DGKQ: variants seen among roughly 807,000 people sequenced by gnomAD.
The protein encoded by DGKQ is DAG kinase theta.
Under a neutral mutation model 104.2 loss-of-function variants are expected in DGKQ, and 97 were observed. That is an observed-to-expected ratio of 0.93 (90% CI 0.79 to 1.10). The LOEUF is 1.10. Ranked by LOEUF, DGKQ falls within the 50% of genes least tolerant of loss-of-function variation. DGKQ has a pLI of 0.00. For synonymous variants in DGKQ, 736 were observed against 595.2 expected (o/e 1.24, Z -3.44); for missense variants, 1,465 against 1,352.1 (o/e 1.08, Z -1.31).
rs566013816 is a variant in DGKQ at position 963,009 on chromosome 4, G to A, written c.1887-89C>T. On this transcript the variant is annotated intron_variant, in intron 16 of 22. Transcript: ENST00000273814. ...CCTCTTCCAAGTGCCCGTCCTGGCC[G>A]TGTGGAGGACTTCAAGGTCCCAGCA... 277 of 1,513,786 alleles carry A rather than the reference G, an allele frequency of 1.8e-4. 1 individual carries two copies. The East Asian group carries it at 4.7e-3, about 26-fold the overall frequency. The allele number at this position is 1,513,786 out of a possible 1,614,324, so 93.8% of individuals were successfully genotyped here. A position where few individuals can be genotyped will look rare whatever the true frequency, so the allele number is the denominator to read the frequency against.
In DGKQ at chr4:965,931, T is replaced by C; in HGVS notation, c.1576A>G (p.Lys526Glu). ...SSLLHEAGAT[K>E]ATVVSVSHIY... ...CGGCCAGCCACAGTGGTCACACCTT[T>C]GGTAGCCCCGGCCTCATGCAGCAGG... The change falls in exon 13 of 23, where the codon AAA becomes GAA. Residue 526 changes from lysine to glutamate, a missense_variant. Physicochemically the swap from Lys to Glu is moderately conservative, Grantham distance 56. Coordinates refer to ENST00000273814, the MANE Select transcript of DGKQ (RefSeq NM_001347.4). 2 of 1,598,508 alleles carry C rather than the reference T, an allele frequency of 1.3e-6. No individual in the cohort carries two copies. Among genetic ancestry groups the C allele is most frequent in the South Asian group, 1.1e-5 (1 of 89,082 alleles).
Position 967,607 on chromosome 4 carries a change from C to G in DGKQ, c.929G>C (p.Arg310Thr), listed in dbSNP as rs555383318. Reference sequence around the variant, plus strand: ...CGTGACGAGGCGGAACTGGCTTCTTCTCACCGCGTCGTCGCCATCAAAGAT... The same window carrying G: ...CGTGACGAGGCGGAACTGGCTTCTTGTCACCGCGTCGTCGCCATCAAAGAT... ...LKIFDGDDAV[R>T]RSQFRLVTVS... The change falls in exon 8 of 23, where the codon AGA (arginine) becomes ACA (threonine). Residue 310 changes from arginine to threonine, a missense_variant. Coordinates refer to ENST00000273814, the MANE Select transcript of DGKQ (RefSeq NM_001347.4). 1 of 1,612,716 alleles carries G rather than the reference C, an allele frequency of 6.2e-7. No homozygotes were observed. Among genetic ancestry groups the G allele is most frequent in the African/African-American group, 1.3e-5 (1 of 75,034 alleles).
Position 964,458 on chromosome 4 carries a change from C to T in DGKQ, c.1734+718G>A, listed in dbSNP as rs530898929. Among the ~76,000 whole-genome samples the T allele has an allele frequency of 2.0e-5, 3 of 151,792 alleles. No individual in the cohort carries two copies. The South Asian group carries it at 6.3e-4, about 32-fold the overall frequency. On this transcript the variant is annotated intron_variant, in intron 15 of 22. Coordinates refer to ENST00000273814, the MANE Select transcript of DGKQ (RefSeq NM_001347.4). ...AAGGCACGGTGTGCAGCGTGGAGTC[C>T]CAGGCTCCAGCCCCTCCATGGGCCA... is the stretch of plus-strand genomic sequence containing the variant.
At chr4:967,467 G>T in intron 8 of DGKQ, 82 bp downstream of exon 8, 1 of 1,489,028 alleles carries the variant, frequency 6.7e-7, no homozygotes, top group Non-Finnish European at 9.1e-7. Context: ...GCGCCAGGTT[G>T]GGGGAGCCAG....
In DGKQ at chr4:966,766, C is replaced by A. The variant is rs755621139; in HGVS notation, c.1348G>T (p.Ala450Ser). 2.5e-6 allele frequency: 4 copies of A among 1,609,528 alleles called. No individual in the cohort carries two copies. The highest frequency in any genetic ancestry group is 1.3e-5 in the African/African-American group (1 of 74,876). ...TACTCACCGTGCCTGCAGCCCATCGCCACCTCCACCAGCTGGAAGCTCTCG... is the reference window on the plus strand; with the variant it reads ...TACTCACCGTGCCTGCAGCCCATCGACACCTCCACCAGCTGGAAGCTCTCG... ...SPESFQLVEV[A>S]MGCRHVQRTM... Residue 450 changes from alanine to serine, a missense_variant, in exon 11 of 23, where the codon GCG (alanine) becomes TCG (serine). By Grantham distance (99) the Ala-to-Ser change is moderately conservative (BLOSUM62 1). Transcript: ENST00000273814.
In DGKQ at chr4:960,411, T is replaced by A; in HGVS notation, c.*209A>T. 1.7e-6 allele frequency: 1 copy of A among 582,510 alleles called. No individual in the cohort carries two copies. Among genetic ancestry groups the A allele is most frequent in the South Asian group, 2.1e-5 (1 of 48,400 alleles). The allele number at this position is 582,510 out of a possible 1,614,324, so 36.1% of individuals were successfully genotyped here. On this transcript the variant is annotated 3_prime_UTR_variant, in exon 23 of 23. Transcript: ENST00000273814. ...CTGCCACCCGCACACCAGTCTCCAG[T>A]GGGATGAGGGCTGTGACACCAACAT... is the stretch of plus-strand genomic sequence containing the variant.
At chr4:963,058 C>CG in intron 16 of DGKQ, 81 bp downstream of exon 16, 2 of 1,494,576 alleles carry the variant, frequency 1.3e-6, no homozygotes, top group Non-Finnish European at 1.8e-6. Flanking sequence ...GAGCTCCTGC[C>CG]GGCCGAGACA....
At chr4:969,947 A>G (rs1438881317) in intron 2 of DGKQ, among the ~76,000 whole-genome samples, 1 of 152,214 alleles carries the variant, frequency 6.6e-6, no homozygotes, top group South Asian at 2.1e-4. Flanking sequence ...TCATGCATAC[A>G]GTTGAAATAC....
Position 962,534 on chromosome 4 carries a change from G to T in DGKQ, c.2115C>A (p.Asp705Glu). 2.5e-6 allele frequency: 4 copies of T among 1,610,280 alleles called. No homozygotes were observed. The highest frequency in any genetic ancestry group is 2.5e-6 in the Non-Finnish European group (3 of 1,179,910). The change falls in exon 18 of 23, where the codon GAC becomes GAA. Residue 705 changes from aspartate (D) to glutamate (E), a missense_variant. By Grantham distance (45) the Asp-to-Glu change is conservative. Coordinates refer to ENST00000273814, the MANE Select transcript of DGKQ (RefSeq NM_001347.4). Reference protein sequence around the residue: ...EDPFSVLLSVDEADAVLMDRW... With the variant: ...EDPFSVLLSVEEADAVLMDRW... ...GGTCCATGAGCACGGCGTCGGCCTC[G>T]TCCACAGACAGCAGTACGGAGAACG...
chr4:961,500 C>G lies in DGKQ; in HGVS notation c.2541G>C (p.Leu847=). ...CGACGCCCGTCACGCCCACAACCTC[C>G]AGCAGCCCGTCGTCCATGCGTGGCT... The part of the protein sequence containing the change: ...FEKPRMDDGL[L]EVVGVTGVVH... The change falls in exon 21 of 23, where the codon CTG becomes CTC. Residue 847 remains leucine (L), a synonymous_variant. Transcript: ENST00000273814. 6.2e-7 allele frequency: 1 copy of G among 1,607,196 alleles called. No individual in the cohort carries two copies. Among genetic ancestry groups the G allele is most frequent in the Non-Finnish European group, 8.5e-7 (1 of 1,177,920 alleles).
rs1446726754 is a variant in DGKQ at position 960,642 on chromosome 4, G to C, written c.2807C>G (p.Ala936Gly). The C allele has an allele frequency of 3.1e-6, 5 of 1,611,940 alleles. No individual in the cohort carries two copies. The highest frequency in any genetic ancestry group is 4.2e-6 in the Non-Finnish European group (5 of 1,179,744). ...TRDARADAAP[A>G]PESDPR is the part of the protein sequence containing the mutation. The stretch of plus-strand genomic sequence containing the variant: ...CCCCTACCTAGGATCGCTCTCAGGG[G>C]CAGGCGCAGCATCCGCCCGGGCATC... The change falls in exon 23 of 23, where the codon GCC becomes GGC. Residue 936 changes from alanine to glycine, a missense_variant. Physicochemically the swap from Ala to Gly is moderately conservative, Grantham distance 60 (BLOSUM62 0). Transcript: ENST00000273814.
intron 2 of DGKQ, 65 bp downstream of exon 2, chr4:970,928 C>G (rs1354282981): frequency 3.1e-6 from 4 of 1,310,936 alleles, no homozygotes; most frequent in African/African-American, 1.5e-5. Context: ...TTCAGTGCCT[C>G]GACCCTACGA....
chr4:961,693 G>T lies in DGKQ; in HGVS notation c.2457C>A (p.Ile819=), dbSNP rs1046559433. Residue 819 remains isoleucine, a synonymous_variant, in exon 20 of 23, where the codon ATC becomes ATA. Transcript: ENST00000273814. ...GGAGCCCCGCCCGCGAGCACCTGGG[G>T]ATGTTGATGAAGATGAGGCCTTCAA... ...PSIEGLIFIN[I]PSWGSGADLW... The T allele has an allele frequency of 6.2e-7, 1 of 1,612,446 alleles. No individual in the cohort carries two copies. Among genetic ancestry groups the T allele is most frequent in the Non-Finnish European group, 8.5e-7 (1 of 1,179,926 alleles).
chr4:960,500 G>C lies in DGKQ; in HGVS notation c.*120C>G. 1 of 876,818 alleles carries C rather than the reference G, an allele frequency of 1.1e-6. No individual in the cohort carries two copies. Among genetic ancestry groups the C allele is most frequent in the South Asian group, 1.5e-5 (1 of 67,648 alleles). The allele number at this position is 876,818 out of a possible 1,614,324, so 54.3% of individuals were successfully genotyped here. A position where few individuals can be genotyped will look rare whatever the true frequency, so the allele number is the denominator to read the frequency against. The stretch of plus-strand genomic sequence containing the variant: ...CTGGGAAGATGCTGTGGTCAGGGCT[G>C]TAGCCAGGTCCGACCACAGGGCCGG... On this transcript the variant is annotated 3_prime_UTR_variant, in exon 23 of 23. Transcript: ENST00000273814.
rs368405175 is a variant in DGKQ at position 961,514 on chromosome 4, C to T, written c.2527G>A (p.Asp843Asn). ...SDTRFEKPRM[D>N]DGLLEVVGVT... is the part of the protein sequence containing the mutation. ...CCCACAACCTCCAGCAGCCCGTCGT[C>T]CATGCGTGGCTTCTCAAACCTGGTG... Residue 843 changes from aspartate (D) to asparagine (N), a missense_variant, in exon 21 of 23, where the codon GAC (aspartate) becomes AAC (asparagine). Coordinates refer to ENST00000273814, the MANE Select transcript of DGKQ (RefSeq NM_001347.4). The T allele has an allele frequency of 1.2e-6, 2 of 1,609,010 alleles. No homozygotes were observed. The highest frequency in any genetic ancestry group is 2.2e-5 in the East Asian group (1 of 44,628).
intron 3 of DGKQ, 52 bp from the exon 4 acceptor site, chr4:968,616 CTCTGCCGGTGCTTGGG>C: frequency 1.3e-6 from 2 of 1,521,564 alleles, no homozygotes; most frequent in Non-Finnish European, 1.8e-6. Context: ...GGACCCCTGC[CTCTGCCGGTGCTTGGG>C]TCTGCCCCAT....
At chr4:961,941 G>A (rs779455652) in intron 19 of DGKQ, 41 bp downstream of exon 19, 2 of 1,610,614 alleles carry the variant, frequency 1.2e-6, no homozygotes, top group African/African-American at 2.7e-5. Flanking sequence ...ACCTGAGGGA[G>A]GTATGCCGTT....
In DGKQ at chr4:965,610, C is replaced by A. The variant is rs540324491; in HGVS notation, c.1580-81G>T. On this transcript the variant is annotated intron_variant, in intron 13 of 22. Transcript: ENST00000273814. ...GGCCAGGGACAGCCCCTCCGCCTGTCCAGGGGTGACATCTCACCCCAAAGG... is the reference window on the plus strand; with the variant it reads ...GGCCAGGGACAGCCCCTCCGCCTGTACAGGGGTGACATCTCACCCCAAAGG... The A allele has an allele frequency of 4.0e-6, 6 of 1,493,480 alleles. No homozygotes were observed. In the Admixed American group the frequency reaches 9.6e-5, roughly 24 times the overall value. The allele number at this position is 1,493,480 out of a possible 1,614,324, so 92.5% of individuals were successfully genotyped here.
Position 961,206 on chromosome 4 carries a change from G to T in DGKQ, c.2575-5C>A. On this transcript the variant is annotated splice_region_variant and splice_polypyrimidine_tract_variant and intron_variant, in intron 21 of 22. Transcript: ENST00000273814. ...CAGCCCACCCTGGACCTGGCCCTGG[G>T]GCGGGAGAGGCCAGCCGGGCTCAGC... 2 of 1,546,530 alleles carry T rather than the reference G, an allele frequency of 1.3e-6. No individual in the cohort carries two copies. The highest frequency in any genetic ancestry group is 1.7e-6 in the Non-Finnish European group (2 of 1,148,140).
Sources: gnomAD v4.1 joint callset for allele counts (sites outside exome capture counted in the v4.1 genomes callset) on GRCh38, gnomAD v4.1.1 for gene constraint, MANE v1.5 for transcripts, NCBI Gene and HGNC (gene_info 2026-07-23, HGNC 2026-07-21) for gene names.